Variants in SLC24A3 observed in about 807,000 individuals in gnomAD.
SLC24A3 encodes the protein sodium/potassium/calcium exchanger 3.
In SLC24A3, 28 loss-of-function variants were observed where a neutral mutation model predicts 75.8. That is an observed-to-expected ratio of 0.37 (90% CI 0.27 to 0.51). The LOEUF (loss-of-function observed/expected upper bound fraction) is 0.51. Among genes scored for constraint, SLC24A3 ranks in the 20% least tolerant of loss-of-function variants. The probability of loss-of-function intolerance (pLI) is 0.94; values close to 1 mark genes in which losing one functional copy is unlikely to be tolerated. For synonymous variants in SLC24A3, 372 were observed against 334.1 expected (o/e 1.11, Z -1.24); for missense variants, 663 against 847.8 (o/e 0.78, Z 2.71).
chr20:19,395,008 T>C (rs1986428787), intron 2 of SLC24A3, among the ~76,000 whole-genome samples: 1 of 152,206 alleles, frequency 6.6e-6, no homozygotes, highest in Admixed American at 6.5e-5. Context: ...AAATGTGGCG[T>C]ATACATACAG....
At chr20:19,403,224 G>A (rs16980484) in intron 2 of SLC24A3, among the ~76,000 whole-genome samples, 1,828 of 152,264 alleles carry the variant, frequency 0.012, 37 homozygotes, top group African/African-American at 0.039. Flanking sequence ...TCCAACATCT[G>A]AAGGTACATG....
At chr20:19,591,057 A>G (rs980224148) in intron 6 of SLC24A3, among the ~76,000 whole-genome samples, 32 of 151,686 alleles carry the variant, frequency 2.1e-4, no homozygotes, top group Admixed American at 7.9e-4. Context: ...CCTCAAGGCC[A>G]GGTCCTGACA....
chr20:19,327,097 A>G (rs772935657), intron 2 of SLC24A3, among the ~76,000 whole-genome samples: 8 of 152,176 alleles, frequency 5.3e-5, no homozygotes, highest in Non-Finnish European at 7.3e-5. Flanking sequence ...GCTACCAAGT[A>G]TTGGATCATT....
intron 6 of SLC24A3, among the ~76,000 whole-genome samples, chr20:19,592,351 C>T (rs563838130): frequency 1.8e-4 from 28 of 152,146 alleles, no homozygotes; most frequent in Admixed American, 1.5e-3. Flanking sequence ...TCATCACACT[C>T]GACTAAGCAC....
At chr20:19,337,801 G>A (rs1429226415) in intron 2 of SLC24A3, among the ~76,000 whole-genome samples, 1 of 152,198 alleles carries the variant, frequency 6.6e-6, no homozygotes, top group African/African-American at 2.4e-5. Flanking sequence ...TGATCATCTG[G>A]TGGTCAGCTT....
intron 2 of SLC24A3, among the ~76,000 whole-genome samples, chr20:19,324,656 T>C (rs1357062044): frequency 6.6e-6 from 1 of 152,232 alleles, no homozygotes; most frequent in Non-Finnish European, 1.5e-5. Flanking sequence ...AATCAAGTTG[T>C]TGCTTCATTA....
intron 2 of SLC24A3, among the ~76,000 whole-genome samples, chr20:19,342,097 C>G (rs1334349456): frequency 3.3e-5 from 5 of 152,210 alleles, no homozygotes; most frequent in African/African-American, 9.7e-5. Flanking sequence ...GGGGCACCAA[C>G]TTTGATTTGT....
At chr20:19,506,205 C>T (rs543262525) in intron 2 of SLC24A3, among the ~76,000 whole-genome samples, 46 of 152,260 alleles carry the variant, frequency 3.0e-4, no homozygotes, top group Admixed American at 2.8e-3. Flanking sequence ...CTGTGGTAAG[C>T]AAATGTCACC....
At chr20:19,532,319 T>A (rs914386239) in intron 3 of SLC24A3, among the ~76,000 whole-genome samples, 4 of 152,172 alleles carry the variant, frequency 2.6e-5, no homozygotes, top group African/African-American at 9.7e-5. Flanking sequence ...CAGCCCTCCA[T>A]GTCCAGACCC....
chr20:19,639,473 G>C (rs1405363463), intron 6 of SLC24A3, among the ~76,000 whole-genome samples: 1 of 152,262 alleles, frequency 6.6e-6, no homozygotes, highest in Non-Finnish European at 1.5e-5. Context: ...CCTTGAGCTA[G>C]ATACAGAGTG....
chr20:19,361,298 A>C (rs1367763490), intron 2 of SLC24A3, among the ~76,000 whole-genome samples: 1 of 152,212 alleles, frequency 6.6e-6, no homozygotes, highest in Non-Finnish European at 1.5e-5. Context: ...TTGGGAAAAG[A>C]CCACCCTGAG....
intron 2 of SLC24A3, among the ~76,000 whole-genome samples, chr20:19,381,256 C>T (rs1986175562): frequency 6.6e-6 from 1 of 152,148 alleles, no homozygotes; most frequent in African/African-American, 2.4e-5. Flanking sequence ...GTGTCAAAAA[C>T]TAAGTTCCAG....
At chr20:19,395,161 G>A (rs1252088007) in intron 2 of SLC24A3, among the ~76,000 whole-genome samples, 1 of 152,180 alleles carries the variant, frequency 6.6e-6, no homozygotes, top group African/African-American at 2.4e-5. Context: ...ACAGGAAGTT[G>A]GATGGTGGTT....
intron 15 of SLC24A3, among the ~76,000 whole-genome samples, chr20:19,710,465 A>G (rs1399378178): frequency 1.3e-5 from 2 of 152,240 alleles, no homozygotes; most frequent in African/African-American, 4.8e-5. Context: ...AACTGCCAAG[A>G]GGGAATTAGA....
intron 2 of SLC24A3, among the ~76,000 whole-genome samples, chr20:19,465,376 G>A (rs1987747011): frequency 7.9e-6 from 1 of 126,212 alleles, no homozygotes; most frequent in Admixed American, 8.2e-5. Flanking sequence ...CAGCAGGGCT[G>A]GAGAATTTTT....
At chr20:19,241,134 C>G (rs1409500926) in intron 1 of SLC24A3, among the ~76,000 whole-genome samples, 1 of 152,208 alleles carries the variant, frequency 6.6e-6, no homozygotes, top group Non-Finnish European at 1.5e-5. Context: ...GAAAGCAAAC[C>G]AACCATGTCC....
chr20:19,615,608 G>A (rs569980893), intron 6 of SLC24A3, among the ~76,000 whole-genome samples: 22 of 152,254 alleles, frequency 1.4e-4, no homozygotes, highest in African/African-American at 5.1e-4. Context: ...AGCACCAAAC[G>A]GATGATGCTA....
intron 9 of SLC24A3, among the ~76,000 whole-genome samples, chr20:19,675,488 G>C (rs2032511990): frequency 6.6e-6 from 1 of 152,342 alleles, no homozygotes; most frequent in Admixed American, 6.5e-5. Context: ...GAAGGTAGAA[G>C]CTGGCTTGGC....
chr20:19,718,482 C>T (rs917519766), intron 16 of SLC24A3, among the ~76,000 whole-genome samples: 20 of 152,296 alleles, frequency 1.3e-4, no homozygotes, highest in African/African-American at 4.6e-4. Context: ...CATCATGCCC[C>T]CCATGAGGTT....
Sources: gnomAD v4.1 joint callset for allele counts (sites outside exome capture counted in the v4.1 genomes callset) on GRCh38, gnomAD v4.1.1 for gene constraint, MANE v1.5 for transcripts, NCBI Gene and HGNC (gene_info 2026-07-23, HGNC 2026-07-21) for gene names.